The following SGMS2 variants were observed in gnomAD, a reference collection of about 807,000 sequenced individuals.
SGMS2 encodes the protein sphingomyelin synthase 2, also known as phosphatidylcholine:ceramide cholinephosphotransferase 2.
Under a neutral mutation model 43.8 loss-of-function variants are expected in SGMS2, and 21 were observed. That is an observed-to-expected ratio of 0.48 (90% confidence interval 0.34 to 0.69). SGMS2 has a LOEUF of 0.69. Among genes scored for constraint, SGMS2 ranks in the 30% least tolerant of loss-of-function variants. The probability of loss-of-function intolerance (pLI) is 0.01; values close to 1 mark genes in which losing one functional copy is unlikely to be tolerated. For synonymous variants in SGMS2, 167 were observed against 160.6 expected, an observed-to-expected ratio of 1.04 and a Z score of -0.30; for missense variants, 384 against 443.2, an observed-to-expected ratio of 0.87 and a Z score of 1.20.
intron 1 of SGMS2, among the ~76,000 whole-genome samples, chr4:107,828,524 A>G (rs1725720784): frequency 2.0e-5 from 3 of 152,094 alleles, no homozygotes; most frequent in South Asian, 2.1e-4. Flanking sequence ...ACACAGCATC[A>G]TTTTTAGTTT....
rs1214375134 is a variant in SGMS2 at position 107,911,655 on chromosome 4, A to AC, written c.*1103dup. The stretch of plus-strand genomic sequence containing the variant: ...CAGTTTCTTATAACTAGTCCTAAGG[A>AC]CATATGCCGCAATTGAGTAATTTTA... On this transcript the variant is annotated 3_prime_UTR_variant, in exon 7 of 7. Coordinates refer to ENST00000690982, the MANE Select transcript of SGMS2 (RefSeq NM_001375905.1). 1 of 152,216 alleles carries AC rather than the reference A, an allele frequency of 6.6e-6. No individual in the cohort carries two copies. The highest frequency in any genetic ancestry group is 1.5e-5 in the Non-Finnish European group (1 of 68,030). 9.4% of individuals were successfully genotyped at this position (152,216 alleles called of 1,614,324 possible). A position where few individuals can be genotyped will look rare whatever the true frequency, so the allele number is the denominator to read the frequency against.
At chr4:107,893,331 A>G (rs1418207112) in intron 2 of SGMS2, 1 of 152,250 alleles carries the variant, frequency 6.6e-6, no homozygotes, top group Non-Finnish European at 1.5e-5. Context: ...CTAGGAGCAC[A>G]TATGGAAGAG....
At chr4:107,882,272 G>A (rs557661130) in intron 2 of SGMS2, among the ~76,000 whole-genome samples, 4 of 152,092 alleles carry the variant, frequency 2.6e-5, no homozygotes, top group South Asian at 2.1e-4. Flanking sequence ...ACCAGCATTC[G>A]TTATTGCCTA....
At chr4:107,890,554 A>G (rs2126108289) in intron 2 of SGMS2, among the ~76,000 whole-genome samples, 2 of 152,078 alleles carry the variant, frequency 1.3e-5, no homozygotes, top group Admixed American at 1.3e-4. Context: ...ACGTGCGTGT[A>G]ATCCCAACTA....
chr4:107,897,548 C>T (rs1483445583), intron 3 of SGMS2, among the ~76,000 whole-genome samples: 1 of 152,190 alleles, frequency 6.6e-6, no homozygotes, highest in African/African-American at 2.4e-5. Flanking sequence ...AGTATGTGGA[C>T]TCCACCCTGA....
chr4:107,844,714 T>A (rs1369738417), intron 1 of SGMS2, among the ~76,000 whole-genome samples: 1 of 152,082 alleles, frequency 6.6e-6, no homozygotes, highest in Admixed American at 6.6e-5. Flanking sequence ...TCCAAAAAAA[T>A]GTGTCTATTC....
intron 2 of SGMS2, among the ~76,000 whole-genome samples, chr4:107,862,266 C>A (rs767360353): frequency 6.3e-4 from 96 of 152,174 alleles, no homozygotes; most frequent in Non-Finnish European, 1.3e-3. Flanking sequence ...CCCAGGCACA[C>A]ATGCTAACTT....
intron 2 of SGMS2, among the ~76,000 whole-genome samples, chr4:107,870,851 G>A (rs953143450): frequency 1.3e-5 from 2 of 152,070 alleles, no homozygotes; most frequent in Admixed American, 6.6e-5. Flanking sequence ...ATTTTAAAAA[G>A]CAATTTAAAG....
At chr4:107,837,900 G>T (rs1316412811) in intron 1 of SGMS2, among the ~76,000 whole-genome samples, 1 of 152,130 alleles carries the variant, frequency 6.6e-6, no homozygotes, top group Non-Finnish European at 1.5e-5. Flanking sequence ...GTAAAGAGTT[G>T]TAGTGAATGG....
At chr4:107,878,956 ATCCCTGT>A (rs1729130749) in intron 2 of SGMS2, among the ~76,000 whole-genome samples, 1 of 152,176 alleles carries the variant, frequency 6.6e-6, no homozygotes. Context: ...GTCTTCCACC[ATCCCTGT>A]GTGCTACACT....
intron 2 of SGMS2, among the ~76,000 whole-genome samples, chr4:107,887,355 G>T (rs915461877): frequency 6.6e-6 from 1 of 152,096 alleles, no homozygotes; most frequent in Non-Finnish European, 1.5e-5. Context: ...AAAGAAATTT[G>T]TTACCTCTGT....
At chr4:107,840,056 C>T (rs539316420) in intron 1 of SGMS2, among the ~76,000 whole-genome samples, 5 of 152,246 alleles carry the variant, frequency 3.3e-5, no homozygotes, top group South Asian at 2.1e-4. Flanking sequence ...TTAAAGACTA[C>T]GTTTAATAGA....
chr4:107,832,532 A>G (rs1420476514), intron 1 of SGMS2, among the ~76,000 whole-genome samples: 3 of 152,216 alleles, frequency 2.0e-5, no homozygotes, highest in Admixed American at 6.5e-5. Context: ...TTTTGAAAGC[A>G]GGCAGCTTGA....
chr4:107,895,400 A>C lies in SGMS2; in HGVS notation c.-154A>C. 1.3e-6 allele frequency: 1 copy of C among 747,210 alleles called. No homozygotes were observed. Among genetic ancestry groups the C allele is most frequent in the South Asian group, 1.9e-5 (1 of 51,924 alleles). The allele number at this position is 747,210 out of a possible 1,614,324, so 46.3% of individuals were successfully genotyped here. A position where few individuals can be genotyped will look rare whatever the true frequency, so the allele number is the denominator to read the frequency against. On this transcript the variant is annotated 5_prime_UTR_variant, in exon 3 of 7. Transcript: ENST00000690982. Reference sequence around the variant, plus strand: ...CATATAGCTGCATGGAAGAAACAGTAATCGGATGGCTACCTTCTACATTTT... The same window carrying C: ...CATATAGCTGCATGGAAGAAACAGTCATCGGATGGCTACCTTCTACATTTT...
chr4:107,831,548 A>G (rs556246162), intron 1 of SGMS2, among the ~76,000 whole-genome samples: 35 of 152,328 alleles, frequency 2.3e-4, no homozygotes, highest in Non-Finnish European at 2.6e-4. Flanking sequence ...TAAATATTCA[A>G]GGGCTCAGCA....
chr4:107,907,505 G>T (rs1445445417), intron 5 of SGMS2: 2 of 152,170 alleles, frequency 1.3e-5, no homozygotes, highest in Non-Finnish European at 2.9e-5. Flanking sequence ...CAGCTACTCG[G>T]GAGGCTAAAG....
At chr4:107,835,821 T>G (rs1288374477) in intron 1 of SGMS2, among the ~76,000 whole-genome samples, 1 of 152,206 alleles carries the variant, frequency 6.6e-6, no homozygotes, top group Non-Finnish European at 1.5e-5. Flanking sequence ...AACTTATTTC[T>G]CTTTGATGAA....
rs1385892471 is a variant in SGMS2, at chr4:107,912,238, G to A, written c.*1685G>A. 6.6e-6 allele frequency: 1 copy of A among 152,092 alleles called. No individual in the cohort carries two copies. The highest frequency in any genetic ancestry group is 1.5e-5 in the Non-Finnish European group (1 of 68,008). The allele number at this position is 152,092 out of a possible 1,614,324, so 9.4% of individuals were successfully genotyped here. A position where few individuals can be genotyped will look rare whatever the true frequency, so the allele number is the denominator to read the frequency against. On this transcript the variant is annotated 3_prime_UTR_variant, in exon 7 of 7. Transcript: ENST00000690982. ...TGTATGTTATAGAATAATCACTAAA[G>A]GAAAGGTAGTTGAATTTAAAGTCAT...
At chr4:107,869,739 C>G (rs1306813450) in intron 2 of SGMS2, among the ~76,000 whole-genome samples, 1 of 151,726 alleles carries the variant, frequency 6.6e-6, no homozygotes, top group Non-Finnish European at 1.5e-5. Flanking sequence ...TCCAAAAATA[C>G]AGAGTAGAGG....
Sources: gnomAD v4.1 joint callset for allele counts (sites outside exome capture counted in the v4.1 genomes callset) on GRCh38, gnomAD v4.1.1 for gene constraint, MANE v1.5 for transcripts, NCBI Gene and HGNC (gene_info 2026-07-23, HGNC 2026-07-21) for gene names.